Variants in ZNF518A observed in about 807,000 individuals in gnomAD.
ZNF518A encodes zinc finger protein 518.
A neutral mutation model predicts 102.7 loss-of-function variants in ZNF518A; 47 were observed. That is an observed-to-expected ratio of 0.46 (90% CI 0.36 to 0.58). ZNF518A has a LOEUF of 0.58. Ranked by LOEUF, ZNF518A falls within the 20% of genes least tolerant of loss-of-function variation. The probability of loss-of-function intolerance (pLI) is 0.00; values close to 1 mark genes in which losing one functional copy is unlikely to be tolerated. For synonymous variants in ZNF518A, 652 were observed against 594.6 expected, an observed-to-expected ratio of 1.10 and a Z score of -1.40; for missense variants, 1,793 against 1,699.8, an observed-to-expected ratio of 1.05 and a Z score of -0.96.
At chr10:96,178,215 AG>A (rs1220580378) in intron 1 of ZNF518A, among the ~76,000 whole-genome samples, 1 of 152,126 alleles carries the variant, frequency 6.6e-6, no homozygotes, top group African/African-American at 2.4e-5. Context: ...TAAATTTACA[AG>A]TTTCAATAAA....
At chr10:96,197,186 T>C in intron 1 of ZNF518A, 1 of 698,458 alleles carries the variant, frequency 1.4e-6, no homozygotes, top group Non-Finnish European at 2.3e-6. Context: ...TTAGCTACAT[T>C]ATTTTTATTA....
At chr10:96,203,954 C>A in exon 3 of ZNF518A, 1 of 909,756 alleles carries the variant, frequency 1.1e-6, no homozygotes, top group Non-Finnish European at 1.8e-6. Context: ...GCCAGGATAA[C>A]GCAGCTGGAA....
intron 1 of ZNF518A, among the ~76,000 whole-genome samples, chr10:96,185,585 A>T (rs1335358886): frequency 6.6e-6 from 1 of 152,092 alleles, no homozygotes; most frequent in African/African-American, 2.4e-5. Flanking sequence ...GGTCTGCTGG[A>T]GTTTGCTGGA....
chr10:96,138,111 C>G (rs1249780955), intron 3 of ZNF518A, among the ~76,000 whole-genome samples: 1 of 152,136 alleles, frequency 6.6e-6, no homozygotes, highest in Non-Finnish European at 1.5e-5. Flanking sequence ...TTGTCTCAGC[C>G]AAACCACCAT....
intron 3 of ZNF518A, among the ~76,000 whole-genome samples, chr10:96,150,168 C>CAAA (rs60041911): frequency 7.5e-6 from 1 of 132,654 alleles, no homozygotes; most frequent in Non-Finnish European, 1.6e-5. Context: ...ACTAAAAATA[C>CAAA]AAAAAAAAAA....
chr10:96,137,105 C>T (rs1014606738), intron 3 of ZNF518A, among the ~76,000 whole-genome samples: 10 of 152,206 alleles, frequency 6.6e-5, no homozygotes, highest in East Asian at 3.8e-4. Context: ...GTCACATCTG[C>T]GCACCTGCTA....
At chr10:96,186,890 A>G (rs2083274988) in intron 1 of ZNF518A, among the ~76,000 whole-genome samples, 2 of 152,234 alleles carry the variant, frequency 1.3e-5, no homozygotes, top group Admixed American at 6.5e-5. Context: ...CATATTTAGT[A>G]GAATAATATG....
chr10:96,159,267 T>A lies in ZNF518A; in HGVS notation c.2945T>A (p.Leu982His). Residue 982 changes from leucine (L) to histidine (H), a missense_variant, in exon 6 of 6, where the codon CTT becomes CAT. By Grantham distance (99) the Leu-to-His change is moderately conservative (BLOSUM62 -3). Coordinates refer to ENST00000316045, the MANE Select transcript of ZNF518A (RefSeq NM_001330736.2). ...VNKKPGMVLT[L>H]NNGKLEGVSA... ...AAGAAACCTGGGATGGTTTTAACAC[T>A]TAATAATGGGAAACTTGAAGGTGTT... 2 of 1,613,464 alleles carry A rather than the reference T, an allele frequency of 1.2e-6. No homozygotes were observed. Among genetic ancestry groups the A allele is most frequent in the Non-Finnish European group, 1.7e-6 (2 of 1,179,670 alleles).
At position 96,200,174 on chromosome 10, in the gene ZNF518A, C is replaced by G; in HGVS notation, n.36-3400C>G. ...CGCCAGCTTCCTGTGAAATGGAGGG[C>G]ACTGGTCAGCATGGGATGGTCCCTA... On this transcript the variant is annotated intron_variant and non_coding_transcript_variant, in intron 1 of 2. Coordinates refer to the ZNF518A transcript ENST00000442635. This position sits in a 1 kb window ranked among gnomAD's most constrained non-coding sequence, Gnocchi z 4.3. 1 of 1,611,362 alleles carries G rather than the reference C, an allele frequency of 6.2e-7. No homozygotes were observed. The highest frequency in any genetic ancestry group is 8.5e-7 in the Non-Finnish European group (1 of 1,177,682).
intron 1 of ZNF518A, among the ~76,000 whole-genome samples, chr10:96,199,742 G>A (rs971133067): frequency 5.9e-5 from 9 of 152,186 alleles, no homozygotes; most frequent in Admixed American, 3.3e-4. Context: ...GACCTTGGCC[G>A]GGCGCGGTGG....
At chr10:96,144,612 G>A (rs1316209309) in intron 3 of ZNF518A, among the ~76,000 whole-genome samples, 2 of 152,168 alleles carry the variant, frequency 1.3e-5, no homozygotes, top group African/African-American at 4.8e-5. Flanking sequence ...TGCAAAGGTT[G>A]TAAGGTCTAA....
intron 3 of ZNF518A, among the ~76,000 whole-genome samples, chr10:96,146,101 A>AT (rs1161949461): frequency 2.9e-4 from 44 of 150,528 alleles, no homozygotes; most frequent in African/African-American, 1.1e-3. Flanking sequence ...TCTACTGTTT[A>AT]TTTTTTTTTC....
intron 3 of ZNF518A, among the ~76,000 whole-genome samples, chr10:96,140,281 C>T (rs2081851417): frequency 6.6e-6 from 1 of 152,106 alleles, no homozygotes; most frequent in Admixed American, 6.5e-5. Flanking sequence ...ATTTTAGTGC[C>T]ATATAGTAAG....
At chr10:96,183,898 A>G (rs1335378587) in intron 1 of ZNF518A, among the ~76,000 whole-genome samples, 1 of 152,168 alleles carries the variant, frequency 6.6e-6, no homozygotes, top group African/African-American at 2.4e-5. Context: ...TGATCTGTCT[A>G]ATATTGACAA....
rs72116620 is a variant in ZNF518A at position 96,150,335 on chromosome 10, G to GA, written c.-301-4974dup. ...GGTGACAGAGTGAGACTCCATTTCG[G>GA]AAAAAAAAAAAAAAAAATTGATGTC... On this transcript the variant is annotated intron_variant, in intron 3 of 5. Coordinates refer to ENST00000316045, the MANE Select transcript of ZNF518A (RefSeq NM_001330736.2). Among the ~76,000 whole-genome samples, 448 of 136,426 alleles carry GA rather than the reference G, an allele frequency of 3.3e-3. 1 individual carries two copies. The highest frequency in any genetic ancestry group is 4.4e-3 in the Non-Finnish European group (279 of 64,064). 89.5% of individuals were successfully genotyped at this position (136,426 alleles called of 152,430 possible).
At position 96,130,638 on chromosome 10, in the gene ZNF518A, A is replaced by G. The variant is rs782327733; in HGVS notation, c.-567A>G. 5 of 152,334 alleles carry G rather than the reference A, an allele frequency of 3.3e-5. No individual in the cohort carries two copies. Among genetic ancestry groups the G allele is most frequent in the Non-Finnish European group, 5.9e-5 (4 of 68,140 alleles). 9.4% of individuals were successfully genotyped at this position (152,334 alleles called of 1,614,324 possible). ...CGCACCCCTCGAGCTATAGGTTCGC[A>G]GGCCCGACTCGACGGCGTCCCTATT... On this transcript the variant is annotated 5_prime_UTR_variant, in exon 1 of 6. Transcript: ENST00000316045.
At chr10:96,152,699 C>T (rs1202557361) in intron 3 of ZNF518A, among the ~76,000 whole-genome samples, 14 of 152,148 alleles carry the variant, frequency 9.2e-5, no homozygotes, top group African/African-American at 3.4e-4. Context: ...ATGGTATAGC[C>T]TGTTGCTTCT....
rs782155831 is a variant in ZNF518A, at chr10:96,158,355, T to C, written c.2033T>C (p.Ile678Thr). 4 of 1,613,612 alleles carry C rather than the reference T, an allele frequency of 2.5e-6. No individual in the cohort carries two copies. The South Asian group carries it at 3.3e-5, about 13-fold the overall frequency. The part of the protein sequence containing the change: ...SSSKTVVQQP[I>T]SESFLSLVRQ... ...AGCAAAACAGTTGTCCAACAACCAA[T>C]TAGTGAATCATTTTTATCACTAGTG... Residue 678 changes from isoleucine to threonine, a missense_variant, in exon 6 of 6, where the codon ATT becomes ACT. This residue lies in a region of ZNF518A where 1,741 missense variants were observed against 1,622.6 expected (regional missense o/e 1.07). Transcript: ENST00000316045.
chr10:96,132,423 A>T (rs2081385102), intron 1 of ZNF518A, among the ~76,000 whole-genome samples, 163 bp from the exon 2 acceptor site: 1 of 150,416 alleles, frequency 6.6e-6, no homozygotes, highest in Non-Finnish European at 1.5e-5. Flanking sequence ...AATTTGTGAC[A>T]TGTTATCACT....
Sources: allele counts gnomAD v4.1 joint callset (sites outside exome capture counted in the v4.1 genomes callset), GRCh38; gene constraint gnomAD v4.1.1; regional missense constraint gnomAD v4.1.1; non-coding constraint Gnocchi (gnomAD v3.1); transcripts MANE v1.5; gene names NCBI Gene and HGNC (gene_info 2026-07-23, HGNC 2026-07-21).